OPHN1: variants seen among roughly 807,000 people sequenced by gnomAD.
OPHN1 encodes the protein oligophrenin 1.
In OPHN1, 11 loss-of-function variants were observed where a neutral mutation model predicts 60.7. That is an observed-to-expected ratio of 0.18 (90% CI 0.11 to 0.30). OPHN1 has a LOEUF of 0.30. OPHN1 is among the 10% of genes least tolerant of loss of function. The pLI is 1.00. For synonymous variants in OPHN1, 226 were observed against 222.6 expected (o/e 1.02, Z -0.14); for missense variants, 449 against 611.0 (o/e 0.73, Z 2.80).
At chrX:68,356,398 A>G (rs757645225) in intron 2 of OPHN1, among the ~76,000 whole-genome samples, 57 of 104,845 alleles carry the variant, frequency 5.4e-4, no homozygotes, top group Non-Finnish European at 8.8e-4. Flanking sequence ...CCACAATCAC[A>G]TGAGCCAATT....
At chrX:68,205,363 G>A (rs1473892073) in intron 10 of OPHN1, among the ~76,000 whole-genome samples, 2 of 111,068 alleles carry the variant, frequency 1.8e-5, no homozygotes, top group Non-Finnish European at 3.8e-5. Flanking sequence ...CAGGAGAATC[G>A]CTTGAACCCG....
intron 15 of OPHN1, chrX:68,132,933 C>T (rs2077203612): frequency 8.0e-6 from 3 of 375,795 alleles, no homozygotes; most frequent in South Asian, 7.2e-5. Context: ...CCTGCTTCCC[C>T]GAAGCAGCCG....
intron 2 of OPHN1, among the ~76,000 whole-genome samples, chrX:68,377,892 C>T (rs1334451294): frequency 1.8e-5 from 2 of 111,631 alleles, no homozygotes; most frequent in Non-Finnish European, 3.8e-5. Context: ...AATAAACATA[C>T]GTGTGCATGT....
intron 2 of OPHN1, among the ~76,000 whole-genome samples, chrX:68,389,720 G>A (rs1276610929): frequency 1.8e-5 from 2 of 108,115 alleles, no homozygotes; most frequent in Non-Finnish European, 3.8e-5. Flanking sequence ...GCAAGCTGTA[G>A]AGTGTTGTGG....
intron 2 of OPHN1, among the ~76,000 whole-genome samples, chrX:68,415,392 C>T (rs200022122): frequency 1.8e-5 from 2 of 112,016 alleles, no homozygotes; most frequent in East Asian, 5.6e-4. Context: ...CAGAGAGTTG[C>T]TCCTGTTCAT....
intron 6 of OPHN1, among the ~76,000 whole-genome samples, 175 bp downstream of exon 6, chrX:68,234,312 C>G (rs1452672732): frequency 9.0e-6 from 1 of 111,209 alleles, no homozygotes; most frequent in Non-Finnish European, 1.9e-5. Flanking sequence ...AGTGGAAGAG[C>G]TGGCTTAGTA....
At chrX:68,432,178 T>C (rs2078889178) in intron 2 of OPHN1, among the ~76,000 whole-genome samples, 1 of 110,910 alleles carries the variant, frequency 9.0e-6, no homozygotes, top group African/African-American at 3.3e-5. Flanking sequence ...CCCAACCCTA[T>C]CCCTATTTTA....
At chrX:68,214,045 A>G (rs1296844919) in intron 6 of OPHN1, 73 bp from the exon 7 acceptor site, 7 of 607,195 alleles carry the variant, frequency 1.2e-5, no homozygotes, top group Non-Finnish European at 1.9e-5. Context: ...AGGATTGAAC[A>G]GAATGCTAGA....
At chrX:68,334,365 C>A (rs2078311797) in intron 2 of OPHN1, among the ~76,000 whole-genome samples, 2 of 112,045 alleles carry the variant, frequency 1.8e-5, no homozygotes, top group African/African-American at 6.5e-5. Context: ...TAAGTGTTAA[C>A]ATGCTTTAGC....
chrX:68,271,380 A>T (rs2077968086), intron 5 of OPHN1, among the ~76,000 whole-genome samples: 1 of 108,241 alleles, frequency 9.2e-6, no homozygotes, highest in Non-Finnish European at 1.9e-5. Flanking sequence ...ACAAAAAAAA[A>T]AAAAAAATTA....
At chrX:68,407,188 G>A (rs1321153997) in intron 2 of OPHN1, among the ~76,000 whole-genome samples, 1 of 112,157 alleles carries the variant, frequency 8.9e-6, no homozygotes, top group Non-Finnish European at 1.9e-5. Context: ...TGGGCAACAA[G>A]AACAAAACTT....
chrX:68,314,985 C>CA (rs767435080), intron 2 of OPHN1, among the ~76,000 whole-genome samples: 1,916 of 53,674 alleles, frequency 0.036, 51 homozygotes, highest in Admixed American at 0.095. Context: ...GACTCCATCT[C>CA]AAAAAAAAAA....
At chrX:68,257,958 G>A (rs1602275593) in intron 5 of OPHN1, among the ~76,000 whole-genome samples, 2 of 110,357 alleles carry the variant, frequency 1.8e-5, no homozygotes, top group Non-Finnish European at 3.8e-5. Flanking sequence ...TCATTTCAGC[G>A]AGATCACCCT....
At chrX:68,098,780 G>A (rs768499235) in intron 18 of OPHN1, among the ~76,000 whole-genome samples, 1 of 111,397 alleles carries the variant, frequency 9.0e-6, no homozygotes, top group African/African-American at 3.3e-5. Flanking sequence ...AACCACAAGG[G>A]CACTTGTGTA....
chrX:68,164,601 G>A (rs936214816), intron 15 of OPHN1, among the ~76,000 whole-genome samples: 1 of 111,955 alleles, frequency 8.9e-6, no homozygotes, highest in Non-Finnish European at 1.9e-5. Context: ...TCCATTTATA[G>A]AGCACAGGCA....
intron 15 of OPHN1, among the ~76,000 whole-genome samples, chrX:68,178,595 A>G (rs1480602722): frequency 9.0e-6 from 1 of 110,767 alleles, no homozygotes; most frequent in Non-Finnish European, 1.9e-5. Context: ...ATAGAGACAG[A>G]GCTTCACCAT....
chrX:68,193,829 C>A, intron 14 of OPHN1, 61 bp downstream of exon 14: 1 of 986,356 alleles, frequency 1.0e-6, no homozygotes, highest in South Asian at 1.9e-5. Flanking sequence ...AGAGAAATTG[C>A]CCAGGATAAA....
chrX:68,243,002 G>T (rs1029095982), intron 5 of OPHN1, among the ~76,000 whole-genome samples: 41 of 111,207 alleles, frequency 3.7e-4, no homozygotes, highest in Non-Finnish European at 7.5e-5. Flanking sequence ...CACGTAGCTA[G>T]GACTACAGGC....
chrX:68,216,476 C>T (rs887764214), intron 6 of OPHN1, among the ~76,000 whole-genome samples: 1 of 110,563 alleles, frequency 9.0e-6, no homozygotes, highest in Non-Finnish European at 1.9e-5. Flanking sequence ...AACTATGTTA[C>T]CTAAAAGATA....
Sources: gnomAD v4.1 joint callset for allele counts (sites outside exome capture counted in the v4.1 genomes callset) on GRCh38, gnomAD v4.1.1 for gene constraint, MANE v1.5 for transcripts, NCBI Gene and HGNC (gene_info 2026-07-23, HGNC 2026-07-21) for gene names.